The following TMEM98 variants were observed in gnomAD, a reference collection of about 807,000 sequenced individuals.
The protein encoded by TMEM98 is transmembrane protein 98.
TMEM98 carries 18 observed loss-of-function variants against 25.0 expected under a neutral mutation model. The ratio of observed to expected loss-of-function variants is 0.72; its 90% confidence interval spans 0.50 to 1.07. The LOEUF (loss-of-function observed/expected upper bound fraction) is 1.07. TMEM98 is among the 50% of genes least tolerant of loss of function. TMEM98 has a pLI of 0.00. For missense variants in TMEM98, 241 were observed against 289.0 expected (o/e 0.83, Z 1.20); for synonymous variants, 103 against 112.4 (o/e 0.92, Z 0.53).
At chr17:32,940,408 G>C (rs182730788) in intron 7 of TMEM98, among the ~76,000 whole-genome samples, 49 of 152,248 alleles carry the variant, frequency 3.2e-4, no homozygotes, top group African/African-American at 1.2e-3. Context: ...GGCAGCGGTT[G>C]GGGAATATGC....
At chr17:32,932,094 AT>A (rs774760952) in intron 3 of TMEM98, among the ~76,000 whole-genome samples, 3,728 of 118,944 alleles carry the variant, frequency 0.031, 70 homozygotes, top group African/African-American at 0.09. Context: ...TGCACAGCAG[AT>A]TTTTTTTTTT....
intron 5 of TMEM98, among the ~76,000 whole-genome samples, chr17:32,935,359 A>T (rs1414246430): frequency 6.6e-6 from 1 of 152,198 alleles, no homozygotes; most frequent in African/African-American, 2.4e-5. Flanking sequence ...CCTGGCCAAG[A>T]TGTGTCCTGG....
chr17:32,939,563 G>A (rs370782007), intron 7 of TMEM98, 27 bp downstream of exon 7: 16 of 1,613,584 alleles, frequency 9.9e-6, no homozygotes, highest in East Asian at 4.5e-5. Flanking sequence ...GTGCATGTTC[G>A]GTTTTTCATG....
At chr17:32,938,545 A>G (rs911359910) in intron 6 of TMEM98, among the ~76,000 whole-genome samples, 5 of 152,218 alleles carry the variant, frequency 3.3e-5, no homozygotes, top group African/African-American at 1.2e-4. Flanking sequence ...AATGAATTGT[A>G]GTTCTGAACT....
intron 3 of TMEM98, among the ~76,000 whole-genome samples, chr17:32,932,801 G>A (rs1482104769): frequency 2.0e-5 from 3 of 152,192 alleles, no homozygotes; most frequent in East Asian, 1.9e-4. Context: ...AGGAACCACC[G>A]CCTCTCTGTA....
rs756105053 is a variant in TMEM98, at chr17:32,931,644, A to G, written c.116A>G (p.Gln39Arg). The change falls in exon 3 of 8, where the codon CAG becomes CGG. Residue 39 changes from glutamine (Q) to arginine (R), a missense_variant. By Grantham distance (43) the Gln-to-Arg change is conservative. Transcript: ENST00000579849. Reference protein sequence around the residue: ...QRYCRPRDLLQRYDSKPIVDL... With the variant: ...QRYCRPRDLLRRYDSKPIVDL... ...TACTGCCGGCCGCGAGACCTGCTGC[A>G]GCGCTATGATTCTAAGTGAGTGAGC... The G allele has an allele frequency of 2.5e-6, 4 of 1,605,812 alleles. No homozygotes were observed. The highest frequency in any genetic ancestry group is 3.4e-6 in the Non-Finnish European group (4 of 1,176,826).
At chr17:32,939,608 G>T in intron 7 of TMEM98, 72 bp downstream of exon 7, 1 of 1,585,762 alleles carries the variant, frequency 6.3e-7, no homozygotes, top group Non-Finnish European at 8.7e-7. Flanking sequence ...GATCTGTGAG[G>T]CTGGCTGACT....
rs527888474 is a variant in TMEM98, at chr17:32,943,731, C to T, written c.*2738C>T. 1 of 152,288 alleles carries T rather than the reference C, an allele frequency of 6.6e-6. No homozygotes were observed. The highest frequency in any genetic ancestry group is 1.9e-4 in the East Asian group (1 of 5,168). 9.4% of individuals were successfully genotyped at this position (152,288 alleles called of 1,614,324 possible). A position where few individuals can be genotyped will look rare whatever the true frequency, so the allele number is the denominator to read the frequency against. ...GGCTATTGTCATTGGGTTGGTATGT[C>T]AACAAGCAAAACGGTATGTGTGAGC... On this transcript the variant is annotated 3_prime_UTR_variant, in exon 8 of 8. Coordinates refer to ENST00000579849, the MANE Select transcript of TMEM98 (RefSeq NM_015544.3).
At chr17:32,940,367 A>G (rs1427342912) in intron 7 of TMEM98, among the ~76,000 whole-genome samples, 1 of 152,152 alleles carries the variant, frequency 6.6e-6, no homozygotes, top group African/African-American at 2.4e-5. Context: ...GGAATGTTTA[A>G]GTGAGGGTGT....
chr17:32,935,480 C>T (rs528402105), intron 5 of TMEM98, among the ~76,000 whole-genome samples: 20 of 152,166 alleles, frequency 1.3e-4, no homozygotes, highest in South Asian at 1.2e-3. Context: ...GTCTACCCGG[C>T]GAACCTCTGA....
At position 32,931,383 on chromosome 17, in the gene TMEM98, C is replaced by A; in HGVS notation, c.-74C>A. 1 of 1,124,662 alleles carries A rather than the reference C, an allele frequency of 8.9e-7. No homozygotes were observed. Among genetic ancestry groups the A allele is most frequent in the Non-Finnish European group, 1.2e-6 (1 of 813,004 alleles). The allele number at this position is 1,124,662 out of a possible 1,614,324, so 69.7% of individuals were successfully genotyped here. A position where few individuals can be genotyped will look rare whatever the true frequency, so the allele number is the denominator to read the frequency against. ...ACCTAGCACCTGCCATCCTCTTCCC[C>A]AATTTGCCACTTCCAGCAGGTAAGA... On this transcript the variant is annotated 5_prime_UTR_variant, in exon 2 of 8. Coordinates refer to ENST00000579849, the MANE Select transcript of TMEM98 (RefSeq NM_015544.3).
chr17:32,937,748 G>A (rs2091504749), intron 6 of TMEM98, among the ~76,000 whole-genome samples: 1 of 152,156 alleles, frequency 6.6e-6, no homozygotes, highest in African/African-American at 2.4e-5. Flanking sequence ...CTGCTACCAT[G>A]TCTGGCTAAT....
rs144439932 is a variant in TMEM98, at chr17:32,936,150, A to G, written c.298-182A>G. ...TCCCACCCCAGGTCCTCTCCCAGCC[A>G]TGCCCTTGGCTTTTGCCACTTCCCA... On this transcript the variant is annotated intron_variant, in intron 5 of 7. Coordinates refer to ENST00000579849, the MANE Select transcript of TMEM98 (RefSeq NM_015544.3). Among the ~76,000 whole-genome samples, 145 of 152,216 alleles carry G rather than the reference A, an allele frequency of 9.5e-4. 4 individuals carry two copies. In the East Asian group the frequency reaches 0.026, roughly 27 times the overall value.
Position 32,942,342 on chromosome 17 carries a change from GGA to G in TMEM98, c.*1353_*1354del, listed in dbSNP as rs1279869469. 2 of 152,230 alleles carry G rather than the reference GGA, an allele frequency of 1.3e-5. No individual in the cohort carries two copies. The highest frequency in any genetic ancestry group is 2.9e-5 in the Non-Finnish European group (2 of 68,044). 9.4% of individuals were successfully genotyped at this position (152,230 alleles called of 1,614,324 possible). A position where few individuals can be genotyped will look rare whatever the true frequency, so the allele number is the denominator to read the frequency against. On this transcript the variant is annotated 3_prime_UTR_variant, in exon 8 of 8. Transcript: ENST00000579849. ...GATTCTCAGAGCCAGCTTGCTCTTG[GGA>G]GAGGGGCCTGGTATAGGGGCTGCCC...
In TMEM98 at chr17:32,934,277, T is replaced by C. The variant is rs2091484332; in HGVS notation, c.264-14T>C. 1 of 1,614,048 alleles carries C rather than the reference T, an allele frequency of 6.2e-7. No homozygotes were observed. Among genetic ancestry groups the C allele is most frequent in the East Asian group, 2.2e-5 (1 of 44,842 alleles). On this transcript the variant is annotated splice_polypyrimidine_tract_variant and intron_variant, in intron 4 of 7. Coordinates refer to ENST00000579849, the MANE Select transcript of TMEM98 (RefSeq NM_015544.3). ...CTCCAGATGAGCACTGATGACTTCT[T>C]CTTGTTTCCCCAGGGGTCTCATGTC...
intron 1 of TMEM98, 106 bp from the exon 2 acceptor site, chr17:32,931,220 AC>A (rs2091466977): frequency 3.7e-6 from 1 of 272,032 alleles, no homozygotes; most frequent in Non-Finnish European, 6.9e-6. Flanking sequence ...ACAAACAAAC[AC>A]AAACAAACAA....
intron 6 of TMEM98, among the ~76,000 whole-genome samples, chr17:32,937,617 A>G (rs1304864957): frequency 6.6e-6 from 1 of 151,772 alleles, no homozygotes; most frequent in Non-Finnish European, 1.5e-5. Context: ...TTGAGATGGA[A>G]TCTTGCTCTG....
At chr17:32,939,422 A>AAGGAC in intron 6 of TMEM98, 55 bp from the exon 7 acceptor site, 1 of 1,483,112 alleles carries the variant, frequency 6.7e-7, no homozygotes, top group Non-Finnish European at 9.2e-7. Context: ...AAAAAAAAAA[A>AAGGAC]GGAGAAAAGG....
chr17:32,939,557 A>C (rs1424292476), intron 7 of TMEM98, 21 bp downstream of exon 7: 1 of 1,613,826 alleles, frequency 6.2e-7, no homozygotes, highest in African/African-American at 1.3e-5. Context: ...GGGTGGGTGC[A>C]TGTTCGGTTT....
Sources: allele counts gnomAD v4.1 joint callset (sites outside exome capture counted in the v4.1 genomes callset), GRCh38; gene constraint gnomAD v4.1.1; transcripts MANE v1.5; gene names NCBI Gene and HGNC (gene_info 2026-07-23, HGNC 2026-07-21).